Variants in CNTN3 observed in about 807,000 individuals in gnomAD.
The protein encoded by CNTN3 is contactin 3.
CNTN3 carries 60 observed loss-of-function variants against 119.1 expected under a neutral mutation model. That is an observed-to-expected ratio of 0.50 (90% CI 0.41 to 0.62). The LOEUF is 0.62. Ranked by LOEUF, CNTN3 falls within the 20% of genes least tolerant of loss-of-function variation. The probability of loss-of-function intolerance (pLI) is 0.00; values close to 1 mark genes in which losing one functional copy is unlikely to be tolerated. For synonymous variants in CNTN3, 450 were observed against 438.7 expected (o/e 1.03, Z -0.32); for missense variants, 1,101 against 1,242.4 (o/e 0.89, Z 1.71).
chr3:74,320,092 T>C (rs2106668796), intron 13 of CNTN3, among the ~76,000 whole-genome samples: 1 of 152,270 alleles, frequency 6.6e-6, no homozygotes, highest in African/African-American at 2.4e-5. Context: ...AGTTCAACCA[T>C]TGTGGAAGTC....
chr3:74,295,164 G>T lies in CNTN3; in HGVS notation c.2474C>A (p.Thr825Asn), dbSNP rs1329702136. The part of the protein sequence containing the change: ...SSSEIEVSWN[T>N]IPWKLSNGHL... Reference sequence around the variant, plus strand: ...TCCATTGCTCAACTTCCAAGGAATGGTGTTCCATGAAACCTCAATTTCTGA... The same window carrying T: ...TCCATTGCTCAACTTCCAAGGAATGTTGTTCCATGAAACCTCAATTTCTGA... The change falls in exon 19 of 23, where the codon ACC becomes AAC. Residue 825 changes from threonine to asparagine, a missense_variant. By Grantham distance (65) the Thr-to-Asn change is moderately conservative. Transcript: ENST00000263665. The T allele has an allele frequency of 6.2e-7, 1 of 1,613,366 alleles. No homozygotes were observed. Among genetic ancestry groups the T allele is most frequent in the Non-Finnish European group, 8.5e-7 (1 of 1,179,386 alleles).
intron 11 of CNTN3, among the ~76,000 whole-genome samples, chr3:74,344,404 T>G (rs1364150864): frequency 0.13 from 833 of 6,216 alleles, 2 homozygotes; most frequent in African/African-American, 0.29. Context: ...GTGGTTTTTT[T>G]TTTTTTTTTT....
chr3:74,273,694 T>C (rs1328984986), intron 20 of CNTN3, among the ~76,000 whole-genome samples: 1 of 152,180 alleles, frequency 6.6e-6, no homozygotes, highest in Admixed American at 6.5e-5. Context: ...AGGCCACTCC[T>C]GCCTGGCATC....
intron 13 of CNTN3, among the ~76,000 whole-genome samples, chr3:74,310,586 C>T (rs1702661365): frequency 6.6e-6 from 1 of 152,098 alleles, no homozygotes; most frequent in Non-Finnish European, 1.5e-5. Flanking sequence ...GTTCTTAATA[C>T]TATAGTGGCT....
chr3:74,444,164 T>C (rs1427663951), intron 4 of CNTN3, among the ~76,000 whole-genome samples: 1 of 152,084 alleles, frequency 6.6e-6, no homozygotes, highest in Non-Finnish European at 1.5e-5. Context: ...TCACATTGGA[T>C]TAGTGGCCCA....
chr3:74,424,523 T>C (rs1035181050), intron 5 of CNTN3, among the ~76,000 whole-genome samples: 3 of 146,610 alleles, frequency 2.0e-5, no homozygotes, highest in African/African-American at 7.6e-5. Flanking sequence ...ACAGCAAAGA[T>C]CCAGTTTGAC....
At chr3:74,382,657 A>T (rs1020413504) in intron 5 of CNTN3, among the ~76,000 whole-genome samples, 5 of 152,188 alleles carry the variant, frequency 3.3e-5, no homozygotes, top group Non-Finnish European at 7.3e-5. Flanking sequence ...ACTTAGCGTA[A>T]TGTCTTCCAG....
chr3:74,497,557 A>G (rs1353129330), intron 3 of CNTN3, among the ~76,000 whole-genome samples: 1 of 151,876 alleles, frequency 6.6e-6, no homozygotes, highest in East Asian at 1.9e-4. Context: ...ATAAACTTTT[A>G]GTTTAAGTGA....
chr3:74,405,730 C>A (rs145242953), intron 5 of CNTN3, among the ~76,000 whole-genome samples: 3 of 152,110 alleles, frequency 2.0e-5, no homozygotes, highest in East Asian at 3.9e-4. Context: ...ACGACACATA[C>A]CTTTTTAAAC....
In CNTN3 at chr3:74,432,072, A is replaced by G. The variant is rs181196656; in HGVS notation, c.359-7132T>C. ...ATATCTTAAACGTCTTTAATGTTTAATGTTGAAATGCTTAGTGATTGGTAG... is the reference window on the plus strand; with the variant it reads ...ATATCTTAAACGTCTTTAATGTTTAGTGTTGAAATGCTTAGTGATTGGTAG... On this transcript the variant is annotated intron_variant, in intron 4 of 22. Coordinates refer to ENST00000263665, the MANE Select transcript of CNTN3 (RefSeq NM_020872.3). 6.2e-4 allele frequency among the ~76,000 whole-genome samples: 95 copies of G among 152,356 alleles called. 1 individual carries two copies. The highest frequency in any genetic ancestry group is 1.3e-3 in the Non-Finnish European group (88 of 68,034).
At chr3:74,504,462 A>G (rs1203815144) in intron 2 of CNTN3, among the ~76,000 whole-genome samples, 2 of 152,172 alleles carry the variant, frequency 1.3e-5, no homozygotes, top group African/African-American at 4.8e-5. Flanking sequence ...TAAAAGATGG[A>G]AACTTTTTTT....
At chr3:74,440,946 C>T (rs904202587) in intron 4 of CNTN3, among the ~76,000 whole-genome samples, 10 of 152,068 alleles carry the variant, frequency 6.6e-5, no homozygotes, top group Non-Finnish European at 1.3e-4. Context: ...ACATGAGCAT[C>T]CCTGGAGTTT....
chr3:74,274,230 GAACACA>G (rs1701837511), intron 20 of CNTN3, among the ~76,000 whole-genome samples: 1 of 151,992 alleles, frequency 6.6e-6, no homozygotes, highest in Non-Finnish European at 1.5e-5. Flanking sequence ...CCTGGTAGCT[GAACACA>G]AAAGGCATAT....
At chr3:74,435,401 T>A (rs139465796) in intron 4 of CNTN3, among the ~76,000 whole-genome samples, 1 of 152,264 alleles carries the variant, frequency 6.6e-6, no homozygotes, top group Non-Finnish European at 1.5e-5. Context: ...AGTCACAAAC[T>A]CTTGGGCTCA....
chr3:74,520,546 G>A (rs560879478), intron 2 of CNTN3, among the ~76,000 whole-genome samples: 5 of 151,088 alleles, frequency 3.3e-5, no homozygotes, highest in East Asian at 2.0e-4. Flanking sequence ...TGTCAAAGAC[G>A]ATAATTTTTT....
At chr3:74,529,925 TA>T (rs112398608) in intron 1 of CNTN3, among the ~76,000 whole-genome samples, 3,324 of 141,862 alleles carry the variant, frequency 0.023, 130 homozygotes, top group African/African-American at 0.083. Context: ...TAGAAAAAGG[TA>T]AATGAAATCA....
intron 4 of CNTN3, among the ~76,000 whole-genome samples, chr3:74,455,179 C>T (rs1051396991): frequency 6.6e-6 from 1 of 152,086 alleles, no homozygotes; most frequent in African/African-American, 2.4e-5. Context: ...CACATAGTCC[C>T]ATATTTCTTG....
chr3:74,459,640 C>A (rs1174878409), intron 4 of CNTN3, among the ~76,000 whole-genome samples: 1 of 151,828 alleles, frequency 6.6e-6, no homozygotes, highest in Non-Finnish European at 1.5e-5. Flanking sequence ...CATGCTGTGC[C>A]CTCTGCTGAA....
chr3:74,550,574 T>A (rs1440282257), intron 1 of CNTN3, among the ~76,000 whole-genome samples: 1 of 152,302 alleles, frequency 6.6e-6, no homozygotes, highest in Non-Finnish European at 1.5e-5. Flanking sequence ...GCTCTTTCTC[T>A]GTCACCCAGG....
Sources: allele counts gnomAD v4.1 joint callset (sites outside exome capture counted in the v4.1 genomes callset), GRCh38; gene constraint gnomAD v4.1.1; transcripts MANE v1.5; gene names NCBI Gene and HGNC (gene_info 2026-07-23, HGNC 2026-07-21).